Variants in SCN4A observed in about 807,000 individuals in gnomAD.
SCN4A encodes sodium voltage-gated channel alpha subunit 4, also known as sodium channel protein type 4 subunit alpha.
SCN4A carries 83 observed loss-of-function variants against 162.0 expected under a neutral mutation model. That is an observed-to-expected ratio of 0.51 (90% CI 0.43 to 0.61). The LOEUF (loss-of-function observed/expected upper bound fraction) is 0.61, where lower values mean the gene tolerates loss of function less well. SCN4A is among the 20% of genes least tolerant of loss of function. The probability of loss-of-function intolerance (pLI) is 0.00; values close to 1 mark genes in which losing one functional copy is unlikely to be tolerated. For missense variants in SCN4A, 2,196 were observed against 2,462.5 expected (o/e 0.89, Z 2.29); for synonymous variants, 944 against 985.1 (o/e 0.96, Z 0.78).
At chr17:63,943,682 C>A in intron 22 of SCN4A, 64 bp downstream of exon 22, 2 of 1,053,010 alleles carry the variant, frequency 1.9e-6, no homozygotes, top group African/African-American at 1.6e-5. Context: ...ACCTTTTACC[C>A]CCATCAGTCC....
intron 23 of SCN4A, 118 bp downstream of exon 23, chr17:63,942,708 C>G: frequency 2.8e-6 from 3 of 1,053,556 alleles, no homozygotes; most frequent in Non-Finnish European, 4.1e-6. Context: ...CAGGCACGCA[C>G]AGGCATGTGT....
At chr17:63,956,921 C>T (rs977950122) in intron 13 of SCN4A, among the ~76,000 whole-genome samples, 2 of 152,228 alleles carry the variant, frequency 1.3e-5, no homozygotes, top group African/African-American at 4.8e-5. Flanking sequence ...AAATGCAGGT[C>T]CCCAGGCCTA....
Position 63,945,719 on chromosome 17 carries a change from C to CA in SCN4A, c.3442-82dup, listed in dbSNP as rs1434527072. On this transcript the variant is annotated intron_variant, in intron 18 of 23. Transcript: ENST00000435607. The surrounding 1 kb of genome is among the most constrained non-coding windows in gnomAD (Gnocchi z 4.4). ...CACATCTCTACGCCACCCAGGGGAC[C>CA]AGGCAGAGCTGGGCATTGTCAATTA... is the stretch of plus-strand genomic sequence containing the variant. 1 of 1,507,580 alleles carries CA rather than the reference C, an allele frequency of 6.6e-7. No homozygotes were observed. Among genetic ancestry groups the CA allele is most frequent in the Non-Finnish European group, 9.1e-7 (1 of 1,094,434 alleles). The allele number at this position is 1,507,580 out of a possible 1,614,324, so 93.4% of individuals were successfully genotyped here.
rs375375167 is a variant in SCN4A, at chr17:63,949,520, C to T, written c.2862G>A (p.Pro954=). 70 of 1,607,228 alleles carry T rather than the reference C, an allele frequency of 4.4e-5. No homozygotes were observed. The highest frequency in any genetic ancestry group is 1.7e-4 in the African/African-American group (13 of 74,780). The change falls in exon 15 of 24, where the codon CCG becomes CCA. Residue 954 remains proline (P), a synonymous_variant. Transcript: ENST00000435607. ...ACGAGTTCCCATCATAGAGAGGCTG[C>T]GGCGGCTTCTGCGGAGGCCACAGGG... is the stretch of plus-strand genomic sequence containing the variant. ...FSEPEDSKKP[P]QPLYDGNSSV... is the part of the protein sequence containing the mutation.
chr17:63,943,737 G>A lies in SCN4A; in HGVS notation c.4017+9C>T, dbSNP rs752698025. 32 of 1,571,522 alleles carry A rather than the reference G, an allele frequency of 2.0e-5. 1 individual carries two copies. In the South Asian group the frequency reaches 3.1e-4, roughly 15 times the overall value. On this transcript the variant is annotated intron_variant, in intron 22 of 23. Coordinates refer to ENST00000435607, the MANE Select transcript of SCN4A (RefSeq NM_000334.4). Reference sequence around the variant, plus strand: ...GCACACACAGGACAGGGGGCCCAGAGGTCTGTACCTGGGGCCGGGGAATTG... The same window carrying A: ...GCACACACAGGACAGGGGGCCCAGAAGTCTGTACCTGGGGCCGGGGAATTG...
At chr17:63,949,556 T>G in intron 14 of SCN4A, 28 bp from the exon 15 acceptor site, 1 of 1,577,736 alleles carries the variant, frequency 6.3e-7, no homozygotes, top group Non-Finnish European at 8.6e-7. Flanking sequence ...TCACATGACA[T>G]CTGGGTCCCT....
At chr17:63,947,290 GGGTGGTCCTGTCC>G (rs1908756906) in intron 17 of SCN4A, 123 bp from the exon 18 acceptor site, 24 of 1,258,332 alleles carry the variant, frequency 1.9e-5, no homozygotes, top group Non-Finnish European at 2.5e-5. Flanking sequence ...CCTCCCTAGT[GGGTGGTCCTGTCC>G]GGTGGGAAGA....
At chr17:63,969,807 T>C (rs892783619) in intron 5 of SCN4A, among the ~76,000 whole-genome samples, 8 of 152,064 alleles carry the variant, frequency 5.3e-5, no homozygotes, top group Non-Finnish European at 1.2e-4. Flanking sequence ...CACGCCCAGC[T>C]AATTTTTGTA....
chr17:63,957,458 C>T lies in SCN4A; in HGVS notation c.2080G>A (p.Gly694Ser). The T allele has an allele frequency of 1.9e-6, 3 of 1,614,020 alleles. No individual in the cohort carries two copies. Among genetic ancestry groups the T allele is most frequent in the South Asian group, 2.2e-5 (2 of 91,082 alleles). The change falls in exon 13 of 24, where the codon GGC becomes AGC. Residue 694 changes from glycine to serine, a missense_variant. Gly to Ser is a moderately conservative substitution (Grantham distance 56). Coordinates refer to ENST00000435607, the MANE Select transcript of SCN4A (RefSeq NM_000334.4). ...TTACCCAGCGCCCCCACTGAATTGC[C>T]AATGATCTTGATGAGCATGTTCAGC... is the stretch of plus-strand genomic sequence containing the variant. ...PTLNMLIKIIGNSVGALGNLT... is the reference protein window; with the variant it reads ...PTLNMLIKIISNSVGALGNLT...
chr17:63,958,266 G>T (rs928763179), intron 12 of SCN4A, among the ~76,000 whole-genome samples: 24 of 150,806 alleles, frequency 1.6e-4, no homozygotes, highest in Non-Finnish European at 3.2e-4. Flanking sequence ...TGAGGTGGGA[G>T]AATCACCTGA....
intron 5 of SCN4A, among the ~76,000 whole-genome samples, chr17:63,970,187 T>G (rs190165450): frequency 6.6e-6 from 1 of 152,322 alleles, no homozygotes; most frequent in East Asian, 1.9e-4. Context: ...GCTTGGACTT[T>G]TCCTCATGGA....
chr17:63,957,139 G>A (rs1347570469), intron 13 of SCN4A, 23 bp downstream of exon 13: 1 of 1,498,490 alleles, frequency 6.7e-7, no homozygotes, highest in African/African-American at 1.4e-5. Context: ...GAGGGCAGGG[G>A]CCACCCAGCC....
rs1170871930 is a variant in SCN4A, at chr17:63,945,215, G to T, written c.3720+145C>A. On this transcript the variant is annotated intron_variant, in intron 19 of 23. Transcript: ENST00000435607. The surrounding 1 kb of genome is among the most constrained non-coding windows in gnomAD (Gnocchi z 4.4). ...ATCAAATAAAGACCAGAGAGGTCTA[G>T]ACACTGCCTGGGGATCCCACAGCAT... 1.8e-5 allele frequency: 18 copies of T among 1,001,578 alleles called. No homozygotes were observed. In the Admixed American group the frequency reaches 3.8e-4, roughly 21 times the overall value. 62.0% of individuals were successfully genotyped at this position (1,001,578 alleles called of 1,614,324 possible).
At chr17:63,942,797 G>T in intron 23 of SCN4A, 29 bp downstream of exon 23, 1 of 1,602,408 alleles carries the variant, frequency 6.2e-7, no homozygotes, top group South Asian at 1.1e-5. Flanking sequence ...GCTCAGTGCT[G>T]CCCTGCCGGT....
intron 10 of SCN4A, among the ~76,000 whole-genome samples, chr17:63,962,393 G>A (rs1055442086): frequency 6.6e-6 from 1 of 152,198 alleles, no homozygotes; most frequent in African/African-American, 2.4e-5. Flanking sequence ...CCACCCCAAA[G>A]CCACGAGTGC....
Position 63,945,674 on chromosome 17 carries a change from C to G in SCN4A, c.3442-36G>C. On this transcript the variant is annotated intron_variant, in intron 18 of 23. Coordinates refer to ENST00000435607, the MANE Select transcript of SCN4A (RefSeq NM_000334.4). The surrounding 1 kb of genome is among the most constrained non-coding windows in gnomAD (Gnocchi z 4.4). ...GGGGGTCCATTGCCAGTGCCTCTCC[C>G]AGCCTCTGAGAGAGGGCTCCACATC... 6.2e-7 allele frequency: 1 copy of G among 1,612,084 alleles called. No homozygotes were observed. The highest frequency in any genetic ancestry group is 2.2e-5 in the East Asian group (1 of 44,866).
In SCN4A at chr17:63,943,762, G is replaced by A; in HGVS notation, c.4001C>T (p.Pro1334Leu). The A allele has an allele frequency of 6.2e-7, 1 of 1,610,602 alleles. No individual in the cohort carries two copies. Among genetic ancestry groups the A allele is most frequent in the Middle Eastern group, 1.7e-4 (1 of 6,014 alleles). The change falls in exon 22 of 24, where the codon CCA becomes CTA. Residue 1334 changes from proline (P) to leucine (L), a missense_variant. Pro to Leu is a moderately conservative substitution (Grantham distance 98, BLOSUM62 -3). Transcript: ENST00000435607. ...KKLGSKKPQK[P>L]IPRPQNKIQG... ...GGTCTGTACCTGGGGCCGGGGAATT[G>A]GCTTCTGAGGCTTCTTGGAGCCAAG...
In SCN4A at chr17:63,963,825, C is replaced by A. The variant is rs1276150449; in HGVS notation, c.1453G>T (p.Ala485Ser). 6.3e-7 allele frequency: 1 copy of A among 1,597,252 alleles called. No individual in the cohort carries two copies. Among genetic ancestry groups the A allele is most frequent in the East Asian group, 2.3e-5 (1 of 44,142 alleles). Residue 485 changes from alanine to serine, a missense_variant and splice_region_variant, in exon 10 of 24, where the codon GCC (alanine) becomes TCC (serine). Physicochemically the swap from Ala to Ser is moderately conservative, Grantham distance 99 (BLOSUM62 1). Transcript: ENST00000435607. Reference protein sequence around the residue: ...FKKHQEELEKAKAAQALEGGE... With the variant: ...FKKHQEELEKSKAAQALEGGE... ...CCTTCCAGAGCTTGGGCGGCCTTGGCCTGTAGACCAGCAAGAGTGACTGGC... is the reference window on the plus strand; with the variant it reads ...CCTTCCAGAGCTTGGGCGGCCTTGGACTGTAGACCAGCAAGAGTGACTGGC...
intron 8 of SCN4A, 96 bp downstream of exon 8, chr17:63,966,006 G>T: frequency 1.1e-6 from 1 of 915,348 alleles, no homozygotes; most frequent in Non-Finnish European, 1.7e-6. Context: ...TCGGGGGTTG[G>T]CCATCCTGTG....
Sources: gnomAD v4.1 joint callset for allele counts (sites outside exome capture counted in the v4.1 genomes callset) on GRCh38, gnomAD v4.1.1 for gene constraint, Gnocchi (gnomAD v3.1) non-coding constraint, MANE v1.5 for transcripts, NCBI Gene and HGNC (gene_info 2026-07-23, HGNC 2026-07-21) for gene names.